Variants in RBFA observed in about 807,000 individuals in gnomAD.
RBFA encodes putative ribosome-binding factor A, mitochondrial.
Under a neutral mutation model 27.9 loss-of-function variants are expected in RBFA, and 16 were observed. The observed-to-expected ratio is 0.57, with a 90% CI of 0.39 to 0.87. The LOEUF (loss-of-function observed/expected upper bound fraction) is 0.87. Ranked by LOEUF, RBFA falls within the 40% of genes least tolerant of loss-of-function variation. RBFA has a pLI of 0.00. For synonymous variants in RBFA, 181 were observed against 181.0 expected, an observed-to-expected ratio of 1.00 and a Z score of 0.00; for missense variants, 456 against 432.1, an observed-to-expected ratio of 1.06 and a Z score of -0.49.
chr18:80,036,731 A>C, intron 2 of RBFA, 21 bp downstream of exon 2: 1 of 1,593,664 alleles, frequency 6.3e-7, no homozygotes, highest in Non-Finnish European at 8.6e-7. Context: ...GCCATGAGCC[A>C]CTTTATAATC....
In RBFA at chr18:80,037,450, C is replaced by A. The variant is rs375641503; in HGVS notation, c.322C>A (p.Leu108Met). The change falls in exon 3 of 7, where the codon CTG becomes ATG. Residue 108 changes from leucine (L) to methionine (M), a missense_variant. Physicochemically the swap from Leu to Met is conservative, Grantham distance 15 (BLOSUM62 2). Coordinates refer to ENST00000306735, the MANE Select transcript of RBFA (RefSeq NM_024805.3). ...GLLYKALTDL[L>M]CTPEVSQELY... The stretch of plus-strand genomic sequence containing the variant: ...CCTCTATAAGGCACTGACAGACCTG[C>A]TGTGTACCCCTGAAGTGAGTCAGGA... The A allele has an allele frequency of 1.2e-6, 2 of 1,614,138 alleles. No homozygotes were observed. Among genetic ancestry groups the A allele is most frequent in the Non-Finnish European group, 1.7e-6 (2 of 1,179,998 alleles).
In RBFA at chr18:80,047,816, G is replaced by A. The variant is rs1599773464; in HGVS notation, c.*1661G>A. ...TCTAGGGTTTCTGGTAGCCAGTTGC[G>A]GGGTGTCCAGTGAAGGGGTGTACAT... On this transcript the variant is annotated 3_prime_UTR_variant, in exon 7 of 7. Transcript: ENST00000306735. Among the ~76,000 whole-genome samples, 1 of 152,198 alleles carries A rather than the reference G, an allele frequency of 6.6e-6. No homozygotes were observed. Among genetic ancestry groups the A allele is most frequent in the South Asian group, 2.1e-4 (1 of 4,828 alleles).
chr18:80,034,437 T>G lies in RBFA; in HGVS notation c.-59T>G, dbSNP rs2051957764. 2.1e-6 allele frequency: 3 copies of G among 1,401,748 alleles called. No individual in the cohort carries two copies. The highest frequency in any genetic ancestry group is 7.3e-5 in the Admixed American group (2 of 27,436). The allele number at this position is 1,401,748 out of a possible 1,614,324, so 86.8% of individuals were successfully genotyped here. A position where few individuals can be genotyped will look rare whatever the true frequency, so the allele number is the denominator to read the frequency against. ...CACACGCCGCCACCCTCGCGTCAGT[T>G]GTCGCTCCGCGCCTGCGCCCGTTGT... On this transcript the variant is annotated 5_prime_UTR_variant, in exon 1 of 7. Transcript: ENST00000306735.
At position 80,034,434 on chromosome 18, in the gene RBFA, A is replaced by C; in HGVS notation, c.-62A>C. 7.2e-7 allele frequency: 1 copy of C among 1,386,124 alleles called. No individual in the cohort carries two copies. The highest frequency in any genetic ancestry group is 1.7e-5 in the South Asian group (1 of 59,962). 85.9% of individuals were successfully genotyped at this position (1,386,124 alleles called of 1,614,324 possible). A position where few individuals can be genotyped will look rare whatever the true frequency, so the allele number is the denominator to read the frequency against. On this transcript the variant is annotated 5_prime_UTR_variant, in exon 1 of 7. Transcript: ENST00000306735. The stretch of plus-strand genomic sequence containing the variant: ...GCCCACACGCCGCCACCCTCGCGTC[A>C]GTTGTCGCTCCGCGCCTGCGCCCGT...
Position 80,046,618 on chromosome 18 carries a change from G to A in RBFA, c.*463G>A, listed in dbSNP as rs531665118. Among the ~76,000 whole-genome samples the A allele has an allele frequency of 2.0e-5, 3 of 152,170 alleles. No homozygotes were observed. The highest frequency in any genetic ancestry group is 7.2e-5 in the African/African-American group (3 of 41,518). Reference sequence around the variant, plus strand: ...GCTGGGCTGGCACGTGGCGCCGGGGGCTCCATCCCTGGGGCTGCTGGGTCG... The same window carrying A: ...GCTGGGCTGGCACGTGGCGCCGGGGACTCCATCCCTGGGGCTGCTGGGTCG... On this transcript the variant is annotated 3_prime_UTR_variant, in exon 7 of 7. Transcript: ENST00000306735.
At position 80,046,384 on chromosome 18, in the gene RBFA, T is replaced by G; in HGVS notation, c.*229T>G. ...TAAATGGCCATCTTATCACAGATTCTCACAAAAAGAAAATGGTAAAATAGT... is the reference window on the plus strand; with the variant it reads ...TAAATGGCCATCTTATCACAGATTCGCACAAAAAGAAAATGGTAAAATAGT... On this transcript the variant is annotated 3_prime_UTR_variant, in exon 7 of 7. Transcript: ENST00000306735. The G allele has an allele frequency of 1.8e-6, 1 of 552,100 alleles. No individual in the cohort carries two copies. The allele number at this position is 552,100 out of a possible 1,614,324, so 34.2% of individuals were successfully genotyped here.
rs769533032 is a variant in RBFA, at chr18:80,034,538, C to T, written c.43C>T (p.Leu15Phe). The change falls in exon 1 of 7, where the codon CTC becomes TTC. Residue 15 changes from leucine to phenylalanine, a missense_variant. Leu to Phe is a conservative substitution (Grantham distance 22). Transcript: ENST00000306735. ...AGGLWRSRAG[L>F]RALFRSRDAA... is the part of the protein sequence containing the mutation. Reference sequence around the variant, plus strand: ...CGGGCTGTGGCGCTCCCGCGCGGGTCTCCGGGCCCTGTTCCGTAGCCGCGA... The same window carrying T: ...CGGGCTGTGGCGCTCCCGCGCGGGTTTCCGGGCCCTGTTCCGTAGCCGCGA... 3.7e-5 allele frequency: 59 copies of T among 1,598,284 alleles called. No homozygotes were observed. Among genetic ancestry groups the T allele is most frequent in the Non-Finnish European group, 4.3e-5 (51 of 1,175,954 alleles).
chr18:80,048,846 G>T lies in RBFA; in HGVS notation c.*2691G>T, dbSNP rs1714448781. 1.3e-5 allele frequency among the ~76,000 whole-genome samples: 2 copies of T among 149,744 alleles called. No individual in the cohort carries two copies. The highest frequency in any genetic ancestry group is 5.0e-5 in the African/African-American group (2 of 39,650). On this transcript the variant is annotated 3_prime_UTR_variant, in exon 7 of 7. Coordinates refer to ENST00000306735, the MANE Select transcript of RBFA (RefSeq NM_024805.3). ...TCAGCTCAGTGCCTCCTAGAAAGTG[G>T]AGTGTGGGCATGTTTGCAGGGGATC...
In RBFA at chr18:80,046,428, TG is replaced by T. The variant is rs564749025; in HGVS notation, c.*275del. ...AAATAGTGTCTCTGAGATGCTGGCATGGCCACCTCCACCTGCAGAGCCCTGC... is the reference window on the plus strand; with the variant it reads ...AAATAGTGTCTCTGAGATGCTGGCATGCCACCTCCACCTGCAGAGCCCTGC... On this transcript the variant is annotated 3_prime_UTR_variant, in exon 7 of 7. Coordinates refer to ENST00000306735, the MANE Select transcript of RBFA (RefSeq NM_024805.3). 1 of 406,576 alleles carries T rather than the reference TG, an allele frequency of 2.5e-6. No homozygotes were observed. The highest frequency in any genetic ancestry group is 2.0e-5 in the African/African-American group (1 of 48,984). The allele number at this position is 406,576 out of a possible 1,614,324, so 25.2% of individuals were successfully genotyped here. A position where few individuals can be genotyped will look rare whatever the true frequency, so the allele number is the denominator to read the frequency against.
At chr18:80,037,895 A>AG (rs2051991706) in intron 3 of RBFA, among the ~76,000 whole-genome samples, 1 of 56,216 alleles carries the variant, frequency 1.8e-5, no homozygotes, top group Admixed American at 2.7e-4. Context: ...TCTCAAAAAA[A>AG]AAAAAAGCCA....
intron 4 of RBFA, 165 bp from the exon 5 acceptor site, chr18:80,041,970 C>T: frequency 3.4e-6 from 1 of 296,600 alleles, no homozygotes; most frequent in Non-Finnish European, 6.3e-6. Context: ...TCGTGATCCG[C>T]CCGCCTCGGC....
chr18:80,044,972 G>C (rs1568389878), intron 6 of RBFA, among the ~76,000 whole-genome samples: 3 of 152,240 alleles, frequency 2.0e-5, no homozygotes, highest in Non-Finnish European at 4.4e-5. Context: ...GCTGTAGCAG[G>C]CCTGGCCTGA....
rs1007950635 is a variant in RBFA, at chr18:80,037,522, A to G, written c.378+16A>G. Reference sequence around the variant, plus strand: ...GCTCTCCAAGGTAGGCTGTGTGGCCAAAGAGAAGAAATGGGTTGAGACAGC... The same window carrying G: ...GCTCTCCAAGGTAGGCTGTGTGGCCGAAGAGAAGAAATGGGTTGAGACAGC... On this transcript the variant is annotated intron_variant, in intron 3 of 6. Coordinates refer to ENST00000306735, the MANE Select transcript of RBFA (RefSeq NM_024805.3). 2 of 1,591,962 alleles carry G rather than the reference A, an allele frequency of 1.3e-6. No individual in the cohort carries two copies. Among genetic ancestry groups the G allele is most frequent in the Non-Finnish European group, 1.7e-6 (2 of 1,163,352 alleles).
rs570829513 is a variant in RBFA at position 80,049,111 on chromosome 18, G to A, written c.*2956G>A. On this transcript the variant is annotated 3_prime_UTR_variant, in exon 7 of 7. Coordinates refer to ENST00000306735, the MANE Select transcript of RBFA (RefSeq NM_024805.3). ...TTCCCTGGGAGCGAGTTAGGGACAC[G>A]GAAGCTCACCCGCTTCTGAATGGGT... Among the ~76,000 whole-genome samples the A allele has an allele frequency of 1.3e-5, 2 of 152,172 alleles. No individual in the cohort carries two copies. The highest frequency in any genetic ancestry group is 2.9e-5 in the Non-Finnish European group (2 of 68,026).
chr18:80,036,814 A>T (rs2051982412), intron 2 of RBFA, 104 bp downstream of exon 2: 3 of 777,950 alleles, frequency 3.9e-6, no homozygotes, highest in Middle Eastern at 2.3e-4. Context: ...ATTGGAGGGG[A>T]TAGTGTCTAT....
chr18:80,036,555 A>G (rs549358650), intron 1 of RBFA, 113 bp from the exon 2 acceptor site: 120 of 622,568 alleles, frequency 1.9e-4, no homozygotes, highest in Non-Finnish European at 6.3e-5. Context: ...CCAGTAATGT[A>G]ACATCTAAGT....
rs771475771 is a variant in RBFA, at chr18:80,044,192, C to T, written c.577-20C>T. ...GGTGGGGATGTGGCTAACGGGTTTA[C>T]CCTCTGTGTTCCTCTGTAGCTTGAT... On this transcript the variant is annotated intron_variant, in intron 5 of 6. Coordinates refer to ENST00000306735, the MANE Select transcript of RBFA (RefSeq NM_024805.3). 8.1e-6 allele frequency: 13 copies of T among 1,611,170 alleles called. No individual in the cohort carries two copies. Among genetic ancestry groups the T allele is most frequent in the Admixed American group, 1.7e-5 (1 of 60,004 alleles).
intron 3 of RBFA, 44 bp downstream of exon 3, chr18:80,037,550 G>T: frequency 6.5e-7 from 1 of 1,538,604 alleles, no homozygotes. Context: ...GAGACAGCAG[G>T]CCTGGCACTT....
chr18:80,038,978 C>G (rs2051999800), intron 4 of RBFA, among the ~76,000 whole-genome samples: 1 of 152,204 alleles, frequency 6.6e-6, no homozygotes, highest in Non-Finnish European at 1.5e-5. Context: ...GGGCGCCATG[C>G]CACATGCCTA....
Sources: allele counts gnomAD v4.1 joint callset (sites outside exome capture counted in the v4.1 genomes callset), GRCh38; gene constraint gnomAD v4.1.1; transcripts MANE v1.5; gene names NCBI Gene and HGNC (gene_info 2026-07-23, HGNC 2026-07-21).